MAP4K3: variants seen among roughly 807,000 people sequenced by gnomAD.
MAP4K3 encodes MAPK/ERK kinase kinase kinase 3.
A neutral mutation model predicts 143.5 loss-of-function variants in MAP4K3; 94 were observed. The ratio of observed to expected loss-of-function variants is 0.65; its 90% CI spans 0.55 to 0.78. MAP4K3 has a LOEUF of 0.78. Among genes scored for constraint, MAP4K3 ranks in the 30% least tolerant of loss-of-function variants. The pLI is 0.00. For missense variants in MAP4K3, 1,077 were observed against 1,068.1 expected (o/e 1.01, Z -0.12); for synonymous variants, 416 against 347.2 (o/e 1.20, Z -2.20).
intron 1 of MAP4K3, among the ~76,000 whole-genome samples, chr2:39,385,551 C>CATATATATATATATATATAT (rs140387430): frequency 2.7e-5 from 3 of 111,254 alleles, no homozygotes; most frequent in African/African-American, 4.5e-5. Flanking sequence ...GAGCGTTCTT[C>CATATATATATATATATATAT]ATATATATAT....
chr2:39,418,941 C>T (rs1045720686), intron 1 of MAP4K3, among the ~76,000 whole-genome samples: 4 of 151,798 alleles, frequency 2.6e-5, no homozygotes, highest in Admixed American at 1.3e-4. Context: ...TCCAAATAGA[C>T]GGTGGAGCTT....
At chr2:39,348,936 T>C (rs1014462337) in intron 3 of MAP4K3, among the ~76,000 whole-genome samples, 1 of 152,194 alleles carries the variant, frequency 6.6e-6, no homozygotes, top group Non-Finnish European at 1.5e-5. Flanking sequence ...TAATTATTTA[T>C]ATATTTTTCT....
At chr2:39,294,558 C>A (rs958812217) in intron 16 of MAP4K3, among the ~76,000 whole-genome samples, 2 of 152,316 alleles carry the variant, frequency 1.3e-5, no homozygotes, top group African/African-American at 4.8e-5. Context: ...AAAGCCAAGA[C>A]GGCCTGAATC....
chr2:39,329,165 T>A (rs998172004), intron 8 of MAP4K3, among the ~76,000 whole-genome samples: 1 of 152,186 alleles, frequency 6.6e-6, no homozygotes, highest in African/African-American at 2.4e-5. Flanking sequence ...GAGTTGGAAA[T>A]TTCATCATTA....
intron 5 of MAP4K3, 112 bp downstream of exon 5, chr2:39,337,414 A>G (rs1005396938): frequency 9.0e-6 from 6 of 670,106 alleles, no homozygotes; most frequent in African/African-American, 1.8e-5. Flanking sequence ...ACTCATTTTA[A>G]GAGTTTACCA....
chr2:39,433,842 G>A (rs1665368452), intron 1 of MAP4K3, among the ~76,000 whole-genome samples: 2 of 151,662 alleles, frequency 1.3e-5, no homozygotes, highest in South Asian at 4.2e-4. Context: ...TATATGCATT[G>A]GCCTGAAAAA....
chr2:39,275,941 C>T (rs761976840), intron 24 of MAP4K3, among the ~76,000 whole-genome samples: 5 of 152,088 alleles, frequency 3.3e-5, no homozygotes, highest in Non-Finnish European at 5.9e-5. Context: ...GGCGTGATCT[C>T]GGCTCACTGC....
chr2:39,369,096 T>C (rs1302057161), intron 2 of MAP4K3, among the ~76,000 whole-genome samples: 1 of 152,066 alleles, frequency 6.6e-6, no homozygotes, highest in Non-Finnish European at 1.5e-5. Flanking sequence ...CTGTGTACAC[T>C]GAATCTGCCT....
intron 21 of MAP4K3, among the ~76,000 whole-genome samples, chr2:39,284,151 C>A (rs1681661784): frequency 6.6e-6 from 1 of 151,906 alleles, no homozygotes; most frequent in African/African-American, 2.4e-5. Flanking sequence ...AGCAAAACAT[C>A]TTTTTTTGTT....
chr2:39,268,547 C>T (rs537184262), intron 26 of MAP4K3, among the ~76,000 whole-genome samples: 1 of 151,930 alleles, frequency 6.6e-6, no homozygotes, highest in Admixed American at 6.6e-5. Context: ...TCTCGGACTC[C>T]TGAGCTCAGG....
At chr2:39,395,051 T>C (rs1412816281) in intron 1 of MAP4K3, among the ~76,000 whole-genome samples, 8 of 152,030 alleles carry the variant, frequency 5.3e-5, no homozygotes, top group Non-Finnish European at 1.2e-4. Flanking sequence ...CCAGATAAAA[T>C]ACTAGTTCAG....
chr2:39,399,352 T>C (rs915073992), intron 1 of MAP4K3, among the ~76,000 whole-genome samples: 3 of 152,194 alleles, frequency 2.0e-5, no homozygotes, highest in Non-Finnish European at 2.9e-5. Flanking sequence ...AGGCTAGGAT[T>C]ATGCTAAAAC....
At chr2:39,391,358 C>CAAA (rs755777714) in intron 1 of MAP4K3, among the ~76,000 whole-genome samples, 13,090 of 45,408 alleles carry the variant, frequency 0.29, 3,648 homozygotes, top group East Asian at 0.71. Context: ...GACTCCATCT[C>CAAA]AAAAAAAAAA....
chr2:39,355,906 T>C (rs1665598464), intron 3 of MAP4K3, among the ~76,000 whole-genome samples: 3 of 152,096 alleles, frequency 2.0e-5, no homozygotes, highest in Admixed American at 2.0e-4. Flanking sequence ...AACACATAGC[T>C]GGAAGAGATG....
chr2:39,387,431 G>T (rs904252561), intron 1 of MAP4K3, among the ~76,000 whole-genome samples: 10 of 152,104 alleles, frequency 6.6e-5, no homozygotes, highest in African/African-American at 2.4e-4. Context: ...GCAGTTATCA[G>T]CATACAGATC....
rs1162072673 is a variant in MAP4K3 at position 39,313,213 on chromosome 2, T to A, written c.997+2097A>T. Among the ~76,000 whole-genome samples, 6 of 152,328 alleles carry A rather than the reference T, an allele frequency of 3.9e-5. No homozygotes were observed. In the East Asian group the frequency reaches 9.6e-4, roughly 24 times the overall value. On this transcript the variant is annotated intron_variant, in intron 13 of 33. Transcript: ENST00000263881. ...CACTGTTTATGATGCTCTTTTTTAT[T>A]TTTACTTTTTGAACTTTTATTTTAG...
In MAP4K3 at chr2:39,291,815, G is replaced by A. The variant is rs1049340790; in HGVS notation, c.1271+958C>T. Among the ~76,000 whole-genome samples, 12 of 152,178 alleles carry A rather than the reference G, an allele frequency of 7.9e-5. 1 individual carries two copies. The highest frequency in any genetic ancestry group is 5.2e-4 in the Admixed American group (8 of 15,282). On this transcript the variant is annotated intron_variant, in intron 18 of 33. Transcript: ENST00000263881. Reference sequence around the variant, plus strand: ...CTGCTTGAGCCAGGAGGTCGAGGCTGCAGTGAGCCAAGATCACACCACTGC... The same window carrying A: ...CTGCTTGAGCCAGGAGGTCGAGGCTACAGTGAGCCAAGATCACACCACTGC...
intron 4 of MAP4K3, among the ~76,000 whole-genome samples, chr2:39,343,097 T>C (rs1665187576): frequency 6.6e-6 from 1 of 152,218 alleles, no homozygotes; most frequent in Admixed American, 6.5e-5. Context: ...AGCTTAGCAT[T>C]AGCCAGCAAA....
intron 4 of MAP4K3, among the ~76,000 whole-genome samples, chr2:39,341,833 C>T (rs180983486): frequency 1.8e-3 from 269 of 152,160 alleles, no homozygotes; most frequent in African/African-American, 6.1e-3. Flanking sequence ...CCAGATATCT[C>T]TTCATTTTCA....
Sources: gnomAD v4.1 joint callset for allele counts (sites outside exome capture counted in the v4.1 genomes callset) on GRCh38, gnomAD v4.1.1 for gene constraint, MANE v1.5 for transcripts, NCBI Gene and HGNC (gene_info 2026-07-23, HGNC 2026-07-21) for gene names.